TBC1D14: variants seen among roughly 807,000 people sequenced by gnomAD.
The protein encoded by TBC1D14 is TBC1 domain family member 14.
TBC1D14 carries 26 observed loss-of-function variants against 79.0 expected under a neutral mutation model. The ratio of observed to expected loss-of-function variants is 0.33; its 90% CI spans 0.24 to 0.46. The LOEUF (loss-of-function observed/expected upper bound fraction) is 0.46. Ranked by LOEUF, TBC1D14 falls within the 20% of genes least tolerant of loss-of-function variation. The pLI, the probability that TBC1D14 is intolerant of heterozygous loss-of-function variation, is 1.00. For synonymous variants in TBC1D14, 394 were observed against 349.9 expected, an observed-to-expected ratio of 1.13 and a Z score of -1.40; for missense variants, 769 against 887.6, an observed-to-expected ratio of 0.87 and a Z score of 1.70.
At chr4:6,947,958 G>A (rs1713646095) in intron 2 of TBC1D14, among the ~76,000 whole-genome samples, 1 of 152,186 alleles carries the variant, frequency 6.6e-6, no homozygotes, top group African/African-American at 2.4e-5. Context: ...TACAAATGCA[G>A]GGGGAGGTGA....
At chr4:6,923,126 A>G (rs531721022) in intron 1 of TBC1D14, among the ~76,000 whole-genome samples, 5 of 152,334 alleles carry the variant, frequency 3.3e-5, no homozygotes, top group African/African-American at 1.2e-4. Flanking sequence ...GCTTGAACCC[A>G]GGAGGCAGAG....
At chr4:7,007,752 C>A (rs1399023506) in intron 9 of TBC1D14, 1 of 461,274 alleles carries the variant, frequency 2.2e-6, no homozygotes, top group Non-Finnish European at 3.8e-6. Flanking sequence ...TGCCCCAGTT[C>A]GTCTCCATAG....
At chr4:6,922,824 C>T (rs1010674272) in intron 1 of TBC1D14, among the ~76,000 whole-genome samples, 8 of 152,064 alleles carry the variant, frequency 5.3e-5, no homozygotes, top group Admixed American at 4.6e-4. Flanking sequence ...TGGTAGGGAG[C>T]GTGATGATTA....
chr4:6,922,907 C>T (rs116043336), intron 1 of TBC1D14, among the ~76,000 whole-genome samples: 1,926 of 152,268 alleles, frequency 0.013, 7 homozygotes, highest in Non-Finnish European at 0.019. Context: ...TATGTTAAAA[C>T]TCTAGCTTCT....
At chr4:6,944,163 G>A (rs1283071668) in intron 2 of TBC1D14, among the ~76,000 whole-genome samples, 1 of 152,152 alleles carries the variant, frequency 6.6e-6, no homozygotes, top group African/African-American at 2.4e-5. Flanking sequence ...ACCTACCCCT[G>A]ATTTTTCCTT....
chr4:6,914,320 A>C (rs1395117170), intron 1 of TBC1D14, among the ~76,000 whole-genome samples: 1 of 152,220 alleles, frequency 6.6e-6, no homozygotes, highest in Non-Finnish European at 1.5e-5. Flanking sequence ...GTTAAGTTCC[A>C]GGTGTCTGAA....
At chr4:6,948,200 A>C (rs1180862270) in intron 2 of TBC1D14, among the ~76,000 whole-genome samples, 1 of 152,172 alleles carries the variant, frequency 6.6e-6, no homozygotes, top group Non-Finnish European at 1.5e-5. Context: ...CTGCCACCTC[A>C]GTCAGTACAG....
At position 6,947,893 on chromosome 4, in the gene TBC1D14, A is replaced by G. The variant is rs150117248; in HGVS notation, c.723-19411A>G. ...ACCTTTTAATGCAGTTCTATCTGGC[A>G]GGTTTTATGTCAGACCTTGGGGATA... On this transcript the variant is annotated intron_variant, in intron 2 of 13. Coordinates refer to ENST00000409757, the MANE Select transcript of TBC1D14 (RefSeq NM_020773.3). Among the ~76,000 whole-genome samples the G allele has an allele frequency of 2.6e-3, 397 of 152,326 alleles. 2 individuals are homozygous for G. Among genetic ancestry groups the G allele is most frequent in the African/African-American group, 9.2e-3 (382 of 41,568 alleles).
rs1004060733 is a variant in TBC1D14, at chr4:6,961,622, C to T, written c.723-5682C>T. Among the ~76,000 whole-genome samples the T allele has an allele frequency of 4.6e-5, 7 of 152,160 alleles. No homozygotes were observed. The East Asian group carries it at 5.8e-4, about 13-fold the overall frequency. The stretch of plus-strand genomic sequence containing the variant: ...CTGAGGTAGGTGATTGGAGCCACGA[C>T]GCCATTGCCACAAAAACAGGTGCAA... On this transcript the variant is annotated intron_variant, in intron 2 of 13. Coordinates refer to ENST00000409757, the MANE Select transcript of TBC1D14 (RefSeq NM_020773.3).
At chr4:6,961,400 C>CT in intron 2 of TBC1D14, among the ~76,000 whole-genome samples, 1 of 123,916 alleles carries the variant, frequency 8.1e-6, no homozygotes, top group South Asian at 2.2e-4. Flanking sequence ...CCCCAAATCT[C>CT]TCTGTGCCAT....
chr4:6,934,764 C>G (rs1458225145), intron 2 of TBC1D14, among the ~76,000 whole-genome samples: 2 of 152,082 alleles, frequency 1.3e-5, no homozygotes, highest in Admixed American at 6.5e-5. Context: ...CAGGCAAAAG[C>G]GAAACTGGAG....
At chr4:6,936,874 G>A (rs1055276441) in intron 2 of TBC1D14, among the ~76,000 whole-genome samples, 2 of 152,014 alleles carry the variant, frequency 1.3e-5, no homozygotes, top group African/African-American at 4.8e-5. Flanking sequence ...GGGTCTCGAG[G>A]ATGGGTGTCT....
intron 13 of TBC1D14, among the ~76,000 whole-genome samples, chr4:7,028,899 G>GCGATC (rs201426504): frequency 0.012 from 1,798 of 151,866 alleles, 16 homozygotes; most frequent in Middle Eastern, 0.037. Context: ...GTGCAGTGGT[G>GCGATC]CGATCACAGC....
At position 7,014,495 on chromosome 4, in the gene TBC1D14, G is replaced by A. The variant is rs745599636; in HGVS notation, c.1695G>A (p.Leu565=). 3 of 1,613,850 alleles carry A rather than the reference G, an allele frequency of 1.9e-6. No homozygotes were observed. Among genetic ancestry groups the A allele is most frequent in the Non-Finnish European group, 1.7e-6 (2 of 1,179,938 alleles). The change falls in exon 12 of 14, where the codon TTG becomes TTA. Residue 565 remains leucine (L), a synonymous_variant. Transcript: ENST00000409757. The part of the protein sequence containing the change: ...AAFEVFFEEN[L]PKLFAHFKKN... ...TTGAAGTATTCTTTGAAGAAAATTTGCCGAAATTATTTGCGCATTTCAAGA... is the reference window on the plus strand; with the variant it reads ...TTGAAGTATTCTTTGAAGAAAATTTACCGAAATTATTTGCGCATTTCAAGA...
chr4:6,967,471 G>T, intron 3 of TBC1D14, 47 bp downstream of exon 3: 1 of 1,597,818 alleles, frequency 6.3e-7, no homozygotes, highest in South Asian at 1.1e-5. Flanking sequence ...GATGTGTTTA[G>T]CATATATTCA....
intron 2 of TBC1D14, among the ~76,000 whole-genome samples, chr4:6,958,960 T>C (rs1030979893): frequency 4.0e-5 from 6 of 151,676 alleles, no homozygotes; most frequent in Non-Finnish European, 7.4e-5. Context: ...CTCGGCTCAC[T>C]GCAAGCTCCG....
At chr4:6,958,030 C>T (rs1291377488) in intron 2 of TBC1D14, among the ~76,000 whole-genome samples, 2 of 151,404 alleles carry the variant, frequency 1.3e-5, no homozygotes, top group African/African-American at 4.9e-5. Context: ...CACAGTGCTG[C>T]CTAGAAATAT....
intron 2 of TBC1D14, among the ~76,000 whole-genome samples, chr4:6,938,603 A>T (rs1712574933): frequency 6.6e-6 from 1 of 152,108 alleles, no homozygotes. Context: ...GGGCTCGCTC[A>T]TTCAGGGACG....
intron 1 of TBC1D14, among the ~76,000 whole-genome samples, chr4:6,920,275 T>C (rs1723745375): frequency 6.6e-6 from 1 of 151,224 alleles, no homozygotes; most frequent in Admixed American, 6.6e-5. Context: ...TCCCTTTCTC[T>C]CCTTTGTTTT....
Sources: gnomAD v4.1 joint callset for allele counts (sites outside exome capture counted in the v4.1 genomes callset) on GRCh38, gnomAD v4.1.1 for gene constraint, MANE v1.5 for transcripts, NCBI Gene and HGNC (gene_info 2026-07-23, HGNC 2026-07-21) for gene names.